Variants in KLF12 observed in about 807,000 individuals in gnomAD.
The protein encoded by KLF12 is Krueppel-like factor 12.
In KLF12, 9 loss-of-function variants were observed where a neutral mutation model predicts 37.8. The observed-to-expected ratio is 0.24, with a 90% CI of 0.14 to 0.42. The LOEUF (loss-of-function observed/expected upper bound fraction) is 0.42. KLF12 is among the 10% of genes least tolerant of loss of function. The pLI is 1.00. For synonymous variants in KLF12, 208 were observed against 202.1 expected (o/e 1.03, Z -0.25); for missense variants, 411 against 516.0 (o/e 0.80, Z 1.97).
At chr13:74,272,754 A>AGG in the KLF12 span, among the ~76,000 whole-genome samples, 4 of 152,296 alleles carry the variant, frequency 2.6e-5, no homozygotes, top group East Asian at 7.7e-4. Context: ...TGTGTCTAGA[A>AGG]GGGAAAGTGA....
At chr13:73,918,698 A>T (rs1167492247) in intron 3 of KLF12, among the ~76,000 whole-genome samples, 2 of 152,164 alleles carry the variant, frequency 1.3e-5, no homozygotes, top group East Asian at 1.9e-4. Flanking sequence ...CCAGTAACAG[A>T]ATTATCCAAC....
chr13:73,956,020 C>A (rs1408674950), intron 2 of KLF12, among the ~76,000 whole-genome samples: 1 of 152,156 alleles, frequency 6.6e-6, no homozygotes, highest in African/African-American at 2.4e-5. Flanking sequence ...TAAATTAAAT[C>A]CAGCATTCTT....
intron 7 of KLF12, among the ~76,000 whole-genome samples, chr13:73,708,667 A>C (rs1875133083): frequency 1.3e-5 from 2 of 152,170 alleles, no homozygotes; most frequent in South Asian, 4.1e-4. Flanking sequence ...TTTTTTAGAA[A>C]ATAGTGAGAA....
intron 1 of KLF12, among the ~76,000 whole-genome samples, chr13:74,100,069 G>A (rs575552337): frequency 1.3e-5 from 2 of 152,196 alleles, no homozygotes; most frequent in African/African-American, 4.8e-5. Context: ...CAGCATGGAG[G>A]CACGCTGGCA....
At chr13:74,039,354 A>G (rs1893342842) in intron 1 of KLF12, among the ~76,000 whole-genome samples, 1 of 152,094 alleles carries the variant, frequency 6.6e-6, no homozygotes, top group Non-Finnish European at 1.5e-5. Context: ...TGGGCAACAC[A>G]GCAAGACCCC....
intron 5 of KLF12, among the ~76,000 whole-genome samples, chr13:73,784,707 T>C (rs1013331557): frequency 2.7e-5 from 4 of 150,710 alleles, no homozygotes; most frequent in Non-Finnish European, 5.9e-5. Flanking sequence ...CTAGGCTCAC[T>C]GCAAGCTCCG....
At chr13:74,221,086 G>A in the KLF12 span, among the ~76,000 whole-genome samples, 1 of 150,680 alleles carries the variant, frequency 6.6e-6, no homozygotes, top group African/African-American at 2.4e-5. Flanking sequence ...CTCACTGCAA[G>A]CTCCGCCTCC....
At chr13:74,099,532 G>A (rs939628420) in intron 1 of KLF12, among the ~76,000 whole-genome samples, 11 of 152,118 alleles carry the variant, frequency 7.2e-5, no homozygotes, top group African/African-American at 1.9e-4. Context: ...AACTCTCAGG[G>A]CCATTCCTTT....
At chr13:74,229,277 A>G in the KLF12 span, among the ~76,000 whole-genome samples, 1 of 152,228 alleles carries the variant, frequency 6.6e-6, no homozygotes, top group African/African-American at 2.4e-5. Context: ...CCAAGATAAA[A>G]ATACATAATA....
At chr13:74,172,567 C>G in the KLF12 span, among the ~76,000 whole-genome samples, 5 of 152,126 alleles carry the variant, frequency 3.3e-5, no homozygotes, top group East Asian at 9.6e-4. Context: ...TGGCACAGTT[C>G]CAGATATCTT....
chr13:73,760,494 A>T lies in KLF12; in HGVS notation c.869+4444T>A, dbSNP rs1225245300. On this transcript the variant is annotated intron_variant, in intron 6 of 7. Coordinates refer to ENST00000377669, the MANE Select transcript of KLF12 (RefSeq NM_007249.5). ...ATCACGCCTGGCTAATTTTAAAAGG[A>T]AATAAAAAATAGTGAGCTGGCGTCT... 2.0e-5 allele frequency among the ~76,000 whole-genome samples: 3 copies of T among 152,060 alleles called. No homozygotes were observed. In the East Asian group the frequency reaches 5.8e-4, roughly 30 times the overall value.
intron 3 of KLF12, among the ~76,000 whole-genome samples, chr13:73,855,447 T>C (rs1203839015): frequency 1.3e-5 from 2 of 152,364 alleles, no homozygotes; most frequent in East Asian, 1.9e-4. Flanking sequence ...TGTGGCTGCA[T>C]AGTATTCCAC....
At chr13:73,999,582 A>AG (rs1238395836) in intron 1 of KLF12, among the ~76,000 whole-genome samples, 1 of 150,918 alleles carries the variant, frequency 6.6e-6, no homozygotes, top group Admixed American at 6.6e-5. Flanking sequence ...AAATACAAAA[A>AG]AAAAAAAATT....
At chr13:74,162,675 CAT>C in the KLF12 span, among the ~76,000 whole-genome samples, 19 of 152,306 alleles carry the variant, frequency 1.2e-4, no homozygotes, top group African/African-American at 4.3e-4. Flanking sequence ...TCAGCATGTA[CAT>C]AGTTTTTATT....
At chr13:73,719,413 T>A (rs1199592083) in intron 6 of KLF12, among the ~76,000 whole-genome samples, 2 of 115,038 alleles carry the variant, frequency 1.7e-5, no homozygotes, top group African/African-American at 6.3e-5. Flanking sequence ...CCTAGGACAT[T>A]GTGGGCATTC....
At chr13:73,816,078 GC>G (rs1409391316) in intron 4 of KLF12, among the ~76,000 whole-genome samples, 2 of 152,142 alleles carry the variant, frequency 1.3e-5, no homozygotes, top group Non-Finnish European at 2.9e-5. Flanking sequence ...CATACCTTCA[GC>G]CAAGCTGAGG....
chr13:74,131,094 C>T (rs146237720), intron 1 of KLF12, among the ~76,000 whole-genome samples: 1 of 152,288 alleles, frequency 6.6e-6, no homozygotes, highest in African/African-American at 2.4e-5. Flanking sequence ...TCAGCATAGG[C>T]CTAGAGGCCT....
At chr13:74,021,724 A>C (rs1387832157) in intron 1 of KLF12, among the ~76,000 whole-genome samples, 1 of 152,230 alleles carries the variant, frequency 6.6e-6, no homozygotes, top group Non-Finnish European at 1.5e-5. Context: ...GGTTAGTTCC[A>C]AAGGACAAAT....
At chr13:74,018,702 G>A (rs1173457118) in intron 1 of KLF12, among the ~76,000 whole-genome samples, 1 of 152,100 alleles carries the variant, frequency 6.6e-6, no homozygotes, top group Non-Finnish European at 1.5e-5. Flanking sequence ...CTAAGGGGGT[G>A]CTCACTACTG....
Sources: gnomAD v4.1 joint callset for allele counts (sites outside exome capture counted in the v4.1 genomes callset) on GRCh38, gnomAD v4.1.1 for gene constraint, MANE v1.5 for transcripts, NCBI Gene and HGNC (gene_info 2026-07-23, HGNC 2026-07-21) for gene names.